Variants in A1BG observed in about 807,000 individuals in gnomAD.
A1BG encodes the protein alpha-1-B glycoprotein.
Under a neutral mutation model 46.0 loss-of-function variants are expected in A1BG, and 44 were observed. That is an observed-to-expected ratio of 0.96 (90% CI 0.75 to 1.23). The LOEUF (loss-of-function observed/expected upper bound fraction) is 1.23. A1BG is among the 50% of genes most tolerant of loss of function. A1BG has a pLI of 0.00. For synonymous variants in A1BG, 316 were observed against 314.7 expected, an observed-to-expected ratio of 1.00 and a Z score of -0.04; for missense variants, 707 against 688.8, an observed-to-expected ratio of 1.03 and a Z score of -0.30.
chr19:58,347,072 C>T, intron 7 of A1BG, 43 bp from the exon 8 acceptor site: 1 of 1,609,768 alleles, frequency 6.2e-7, no homozygotes, highest in African/African-American at 1.3e-5. Flanking sequence ...GAGGGGAAAT[C>T]CTATGCCCTC....
At chr19:58,351,813 T>TG in intron 4 of A1BG, 126 bp from the exon 5 acceptor site, 1 of 1,046,710 alleles carries the variant, frequency 9.6e-7, no homozygotes, top group Non-Finnish European at 1.3e-6. Flanking sequence ...TTTTTTTTTT[T>TG]GAAACGGAGT....
intron 5 of A1BG, chr19:58,351,187 C>G: frequency 1.5e-6 from 1 of 681,918 alleles, no homozygotes; most frequent in East Asian, 2.7e-5. Context: ...CAGACCTGTT[C>G]ACCCAGTTAT....
In A1BG at chr19:58,347,605, T is replaced by C. The variant is rs1252194838; in HGVS notation, c.1228A>G (p.Ser410Gly). The stretch of plus-strand genomic sequence containing the variant: ...TCTCGGCCCGCCAGGACCGCCCCAC[T>C]CCACGTCGCCCGGAGCTGAGGCCTG... ...PPRPQLRATW[S>G]GAVLAGRDAV... Residue 410 changes from serine to glycine, a missense_variant, in exon 7 of 8, where the codon AGT becomes GGT. By Grantham distance (56) the Ser-to-Gly change is moderately conservative (BLOSUM62 0). Coordinates refer to ENST00000263100, the MANE Select transcript of A1BG (RefSeq NM_130786.4). 9.4e-6 allele frequency: 14 copies of C among 1,490,434 alleles called. No individual in the cohort carries two copies. The highest frequency in any genetic ancestry group is 1.2e-5 in the Non-Finnish European group (13 of 1,125,250). The allele number at this position is 1,490,434 out of a possible 1,614,324, so 92.3% of individuals were successfully genotyped here.
In A1BG at chr19:58,353,423, C is replaced by T. The variant is rs1197049693; in HGVS notation, c.15G>A (p.Val5=). MSML[V]VFLLLWGVTW... Reference sequence around the variant, plus strand: ...CCTCACCCCACAGCAAGAGAAAGACCACGAGCATGGACATGATGGTCGCGC... The same window carrying T: ...CCTCACCCCACAGCAAGAGAAAGACTACGAGCATGGACATGATGGTCGCGC... Residue 5 remains valine, a synonymous_variant, in exon 1 of 8, where the codon GTG becomes GTA. Coordinates refer to ENST00000263100, the MANE Select transcript of A1BG (RefSeq NM_130786.4). The T allele has an allele frequency of 1.2e-6, 2 of 1,612,522 alleles. No homozygotes were observed. The highest frequency in any genetic ancestry group is 1.7e-6 in the Non-Finnish European group (2 of 1,179,340).
Position 58,352,616 on chromosome 19 carries a change from A to C in A1BG, c.341-61T>G, listed in dbSNP as rs1269863832. On this transcript the variant is annotated intron_variant, in intron 3 of 7. Transcript: ENST00000263100. ...TAACAGGAGACGTGGGAAGCCCAGC[A>C]GAACCTGGGCCCCACACTCATAAGA... is the stretch of plus-strand genomic sequence containing the variant. 3 of 1,560,956 alleles carry C rather than the reference A, an allele frequency of 1.9e-6. No individual in the cohort carries two copies. In the East Asian group the frequency reaches 6.7e-5, roughly 35 times the overall value.
intron 5 of A1BG, 49 bp downstream of exon 5, chr19:58,351,342 G>C (rs1568553696): frequency 1.9e-6 from 3 of 1,590,916 alleles, no homozygotes; most frequent in Non-Finnish European, 2.6e-6. Context: ...TACTGCTCCT[G>C]CTCCCCAGGG....
intron 6 of A1BG, among the ~76,000 whole-genome samples, chr19:58,348,166 A>G (rs1301359338): frequency 1.3e-5 from 2 of 152,180 alleles, no homozygotes; most frequent in African/African-American, 4.8e-5. Context: ...AGCCTGGGTA[A>G]CACGGTGAAA....
chr19:58,347,439 G>T lies in A1BG; in HGVS notation c.1394C>A (p.Ala465Asp), dbSNP rs763895886. 1 of 1,608,306 alleles carries T rather than the reference G, an allele frequency of 6.2e-7. No individual in the cohort carries two copies. The highest frequency in any genetic ancestry group is 8.5e-7 in the Non-Finnish European group (1 of 1,177,460). The change falls in exon 7 of 8, where the codon GCC becomes GAC. Residue 465 changes from alanine (A) to aspartate (D), a missense_variant. Physicochemically the swap from Ala to Asp is moderately radical, Grantham distance 126 (BLOSUM62 -2). Coordinates refer to ENST00000263100, the MANE Select transcript of A1BG (RefSeq NM_130786.4). ...GCGGTAGCGGCACCTGTAGTTGCCG[G>T]CGTGCTGGGGCCCCACGAAGATCAG... Reference protein sequence around the residue: ...LELIFVGPQHAGNYRCRYRSW... With the variant: ...LELIFVGPQHDGNYRCRYRSW...
rs769064384 is a variant in A1BG, at chr19:58,347,484, C to G, written c.1349G>C (p.Gly450Ala). 1 of 1,599,232 alleles carries G rather than the reference C, an allele frequency of 6.3e-7. No homozygotes were observed. The highest frequency in any genetic ancestry group is 1.7e-5 in the Admixed American group (1 of 58,942). Reference protein sequence around the residue: ...TKAVKTVRTPGAAANLELIFV... With the variant: ...TKAVKTVRTPAAAANLELIFV... ...GATCAGCTCGAGGTTCGCCGCGGCCCCGGGGGTGCGGACCGTCTTCACGGC... is the reference window on the plus strand; with the variant it reads ...GATCAGCTCGAGGTTCGCCGCGGCCGCGGGGGTGCGGACCGTCTTCACGGC... The change falls in exon 7 of 8, where the codon GGG (glycine) becomes GCG (alanine). Residue 450 changes from glycine to alanine, a missense_variant. Coordinates refer to ENST00000263100, the MANE Select transcript of A1BG (RefSeq NM_130786.4).
At chr19:58,352,236 T>C (rs1600506030) in intron 4 of A1BG, 47 bp downstream of exon 4, 1 of 1,598,590 alleles carries the variant, frequency 6.3e-7, no homozygotes, top group East Asian at 2.2e-5. Context: ...TCATGCCCCC[T>C]GTATCCTCCT....
chr19:58,349,658 AC>A (rs2051939436), intron 6 of A1BG: 1 of 151,516 alleles, frequency 6.6e-6, no homozygotes, highest in Non-Finnish European at 1.5e-5. Context: ...CAAAAAAAAA[AC>A]AAAAAGGAGA....
intron 4 of A1BG, 40 bp from the exon 5 acceptor site, chr19:58,351,727 G>A: frequency 6.5e-7 from 1 of 1,540,384 alleles, no homozygotes; most frequent in Non-Finnish European, 8.8e-7. Flanking sequence ...CCCATCCCTG[G>A]AGCTGCCCTC....
At chr19:58,352,153 G>A in intron 4 of A1BG, 130 bp downstream of exon 4, 1 of 1,509,120 alleles carries the variant, frequency 6.6e-7, no homozygotes, top group South Asian at 1.3e-5. Context: ...TCAGACCCAG[G>A]CAACCGTGTG....
In A1BG at chr19:58,351,467, G is replaced by C. The variant is rs771544362; in HGVS notation, c.834C>G (p.Thr278=). The part of the protein sequence containing the change: ...AVALGDGGHY[T]CRYRLHDNQN... ...GGTTGTCATGCAGCCGGTAGCGGCA[G>C]GTGTAGTGACCTCCATCCCCCAGGG... is the stretch of plus-strand genomic sequence containing the variant. The change falls in exon 5 of 8, where the codon ACC becomes ACG. Residue 278 remains threonine (T), a synonymous_variant. Transcript: ENST00000263100. The C allele has an allele frequency of 3.7e-6, 6 of 1,613,794 alleles. No homozygotes were observed. In the East Asian group the frequency reaches 1.3e-4, roughly 36 times the overall value.
Position 58,353,107 on chromosome 19 carries a change from T to A in A1BG, c.161A>T (p.Glu54Val). ...CTTGAACAGCTGGAAGTCTGGAGTCTCCAGGTGGGCCTGGCACGTCAGCGT... is the reference window on the plus strand; with the variant it reads ...CTTGAACAGCTGGAAGTCTGGAGTCACCAGGTGGGCCTGGCACGTCAGCGT... ...NVTLTCQAHL[E>V]TPDFQLFKNG... The change falls in exon 3 of 8, where the codon GAG (glutamate) becomes GTG (valine). Residue 54 changes from glutamate (E) to valine (V), a missense_variant. By Grantham distance (121) the Glu-to-Val change is moderately radical. Transcript: ENST00000263100. 6.2e-7 allele frequency: 1 copy of A among 1,614,118 alleles called. No homozygotes were observed. The highest frequency in any genetic ancestry group is 8.5e-7 in the Non-Finnish European group (1 of 1,180,016).
At position 58,353,440 on chromosome 19, in the gene A1BG, T is replaced by A; in HGVS notation, c.-3A>T. The A allele has an allele frequency of 6.2e-7, 1 of 1,609,922 alleles. No homozygotes were observed. The highest frequency in any genetic ancestry group is 1.3e-5 in the African/African-American group (1 of 74,894). ...AGAAAGACCACGAGCATGGACATGA[T>A]GGTCGCGCTCACTCCGGTGCAGTGA... On this transcript the variant is annotated 5_prime_UTR_variant, in exon 1 of 8. Transcript: ENST00000263100.
Position 58,352,517 on chromosome 19 carries a change from A to T in A1BG, c.379T>A (p.Ser127Thr). The change falls in exon 4 of 8, where the codon TCC (serine) becomes ACC (threonine). Residue 127 changes from serine (S) to threonine (T), a missense_variant. Transcript: ENST00000263100. ...GTTTTCAGGCCGGGGGTGATCCAGG[A>T]CACTGGCGCCATCGAGAGCCAGGGA... ...PAPWLSMAPV[S>T]WITPGLKTTA... The T allele has an allele frequency of 6.2e-7, 1 of 1,612,084 alleles. No homozygotes were observed. Among genetic ancestry groups the T allele is most frequent in the Non-Finnish European group, 8.5e-7 (1 of 1,179,980 alleles).
In A1BG at chr19:58,353,452, C is replaced by A. The variant is rs749123283; in HGVS notation, c.-15G>T. On this transcript the variant is annotated 5_prime_UTR_variant, in exon 1 of 8. Coordinates refer to ENST00000263100, the MANE Select transcript of A1BG (RefSeq NM_130786.4). ...AGCATGGACATGATGGTCGCGCTCACTCCGGTGCAGTGAGTGTCTGGGGTG... is the reference window on the plus strand; with the variant it reads ...AGCATGGACATGATGGTCGCGCTCAATCCGGTGCAGTGAGTGTCTGGGGTG... The A allele has an allele frequency of 1.2e-6, 2 of 1,604,828 alleles. No individual in the cohort carries two copies. Among genetic ancestry groups the A allele is most frequent in the Non-Finnish European group, 1.7e-6 (2 of 1,175,508 alleles).
At chr19:58,347,900 C>T (rs1048342109) in intron 6 of A1BG, 2 of 309,558 alleles carry the variant, frequency 6.5e-6, no homozygotes, top group Non-Finnish European at 5.9e-6. Flanking sequence ...TTCGGGCCTG[C>T]TCTGGGGCTT....
Sources: allele counts gnomAD v4.1 joint callset (sites outside exome capture counted in the v4.1 genomes callset), GRCh38; gene constraint gnomAD v4.1.1; transcripts MANE v1.5; gene names NCBI Gene and HGNC (gene_info 2026-07-23, HGNC 2026-07-21).